MAML3: variants seen among roughly 807,000 people sequenced by gnomAD.
MAML3 encodes the protein mastermind-like protein 3.
Under a neutral mutation model 101.9 loss-of-function variants are expected in MAML3, and 27 were observed. That is an observed-to-expected ratio of 0.27 (90% CI 0.20 to 0.37). MAML3 has a LOEUF of 0.37. Ranked by LOEUF, MAML3 falls within the 10% of genes least tolerant of loss-of-function variation. The probability of loss-of-function intolerance (pLI) is 1.00; values close to 1 mark genes in which losing one functional copy is unlikely to be tolerated. For missense variants in MAML3, 1,316 were observed against 1,444.9 expected (o/e 0.91, Z 1.45); for synonymous variants, 501 against 555.9 (o/e 0.90, Z 1.39).
chr4:139,993,467 T>TCTTTC (rs1330691956), intron 1 of MAML3, among the ~76,000 whole-genome samples: 7 of 151,664 alleles, frequency 4.6e-5, no homozygotes, highest in African/African-American at 1.7e-4. Context: ...CCAGTATGGT[T>TCTTTC]CTTTTCTTTT....
intron 2 of MAML3, among the ~76,000 whole-genome samples, chr4:139,816,223 G>A (rs190081027): frequency 6.6e-6 from 1 of 152,212 alleles, no homozygotes; most frequent in African/African-American, 2.4e-5. Context: ...GGGGCTGAGC[G>A]GAGGGGATGC....
At chr4:139,986,159 T>G (rs1050494952) in intron 1 of MAML3, among the ~76,000 whole-genome samples, 10 of 152,032 alleles carry the variant, frequency 6.6e-5, no homozygotes, top group African/African-American at 9.7e-5. Flanking sequence ...TACAAACGGG[T>G]TTTTTCCGAG....
chr4:140,076,245 G>T (rs897225452), intron 1 of MAML3, among the ~76,000 whole-genome samples: 1 of 151,902 alleles, frequency 6.6e-6, no homozygotes, highest in Non-Finnish European at 1.5e-5. Context: ...CCCCAACCAA[G>T]GTCTGTGAAG....
intron 2 of MAML3, among the ~76,000 whole-genome samples, chr4:139,815,887 G>C (rs1486136137): frequency 6.6e-6 from 1 of 152,008 alleles, no homozygotes; most frequent in African/African-American, 2.4e-5. Flanking sequence ...GCAACAATAC[G>C]GACGACGATG....
chr4:139,865,859 A>G (rs1003763674), intron 2 of MAML3, among the ~76,000 whole-genome samples: 4 of 152,230 alleles, frequency 2.6e-5, no homozygotes, highest in Admixed American at 2.6e-4. Context: ...TCCCACCTCT[A>G]GACCATTCTT....
chr4:139,937,598 G>C (rs1733531629), intron 1 of MAML3, among the ~76,000 whole-genome samples: 1 of 152,074 alleles, frequency 6.6e-6, no homozygotes, highest in South Asian at 2.1e-4. Flanking sequence ...ATGTTGGCTA[G>C]GCTGGTCTTG....
At chr4:140,110,726 C>T (rs1728426704) in intron 1 of MAML3, among the ~76,000 whole-genome samples, 2 of 152,228 alleles carry the variant, frequency 1.3e-5, no homozygotes, top group African/African-American at 2.4e-5. Flanking sequence ...AGATAACCCT[C>T]CGGGTGCAGG....
chr4:139,922,982 C>T (rs1032034511), intron 1 of MAML3, among the ~76,000 whole-genome samples: 6 of 152,166 alleles, frequency 3.9e-5, no homozygotes, highest in Admixed American at 2.6e-4. Flanking sequence ...TGAAATCTCA[C>T]GGGATCCCCT....
At position 140,091,901 on chromosome 4, in the gene MAML3, C is replaced by T. The variant is rs533314186; in HGVS notation, c.468+60959G>A. Reference sequence around the variant, plus strand: ...CCCAGGATTCTCCTTACTAAGGATCCCCACTCTGAGCAGGTAAAACAGCAG... The same window carrying T: ...CCCAGGATTCTCCTTACTAAGGATCTCCACTCTGAGCAGGTAAAACAGCAG... On this transcript the variant is annotated intron_variant, in intron 1 of 4. Transcript: ENST00000509479. Among the ~76,000 whole-genome samples the T allele has an allele frequency of 3.9e-5, 6 of 151,992 alleles. No individual in the cohort carries two copies. The South Asian group carries it at 1.2e-3, about 32-fold the overall frequency.
At chr4:139,831,149 A>C (rs1410873737) in intron 2 of MAML3, among the ~76,000 whole-genome samples, 1 of 152,226 alleles carries the variant, frequency 6.6e-6, no homozygotes, top group Non-Finnish European at 1.5e-5. Flanking sequence ...CAATGAGGTC[A>C]TGGTGAGGAG....
chr4:140,049,598 A>G (rs1207589761), intron 1 of MAML3, among the ~76,000 whole-genome samples: 1 of 152,178 alleles, frequency 6.6e-6, no homozygotes, highest in African/African-American at 2.4e-5. Context: ...CAGGCAGGCT[A>G]TGGGGGAAGA....
chr4:140,041,362 C>T lies in MAML3; in HGVS notation c.468+111498G>A, dbSNP rs118077308. On this transcript the variant is annotated intron_variant, in intron 1 of 4. Coordinates refer to ENST00000509479, the MANE Select transcript of MAML3 (RefSeq NM_018717.5). ...AGAGAGGCAGGGCATGGTGGCTCAC[C>T]TCTGTAATACCAGCAGTTTGAGAGG... Among the ~76,000 whole-genome samples the T allele has an allele frequency of 2.3e-4, 35 of 152,184 alleles. No homozygotes were observed. In the East Asian group the frequency reaches 5.8e-3, roughly 25 times the overall value.
Position 140,153,444 on chromosome 4 carries a change from C to A in MAML3, c.-117G>T, listed in dbSNP as rs1375095376. On this transcript the variant is annotated 5_prime_UTR_variant, in exon 1 of 5. It removes an upstream start codon present in the reference 5' UTR. Coordinates refer to ENST00000509479, the MANE Select transcript of MAML3 (RefSeq NM_018717.5). ...GTGGAACGCGGGGGAGACGCAAGCA[C>A]ATGGATGGAAACGGCGATCCCGACG... The A allele has an allele frequency of 1.0e-5, 12 of 1,194,068 alleles. No homozygotes were observed. Among genetic ancestry groups the A allele is most frequent in the African/African-American group, 1.6e-5 (1 of 61,926 alleles). The allele number at this position is 1,194,068 out of a possible 1,614,324, so 74.0% of individuals were successfully genotyped here.
intron 2 of MAML3, among the ~76,000 whole-genome samples, chr4:139,859,344 A>G (rs1376692349): frequency 6.7e-6 from 1 of 150,038 alleles, no homozygotes; most frequent in East Asian, 2.0e-4. Context: ...CTCCTGCCGG[A>G]GTAGCATAGG....
rs147315923 is a variant in MAML3, at chr4:139,929,726, G to A, written c.469-38759C>T. Among the ~76,000 whole-genome samples the A allele has an allele frequency of 2.3e-4, 35 of 152,298 alleles. No homozygotes were observed. In the East Asian group the frequency reaches 6.4e-3, roughly 28 times the overall value. On this transcript the variant is annotated intron_variant, in intron 1 of 4. Transcript: ENST00000509479. ...CAGCTGCTGTCGTGCCACAGTCTCT[G>A]TTTATTATGTTCTTATTATCTTTCT... is the stretch of plus-strand genomic sequence containing the variant.
At chr4:139,865,534 TA>T (rs1231767157) in intron 2 of MAML3, among the ~76,000 whole-genome samples, 2 of 146,828 alleles carry the variant, frequency 1.4e-5, no homozygotes, top group Non-Finnish European at 3.0e-5. Context: ...AACACAATAA[TA>T]AATTAGGAGT....
At chr4:140,086,968 T>A (rs572579008) in intron 1 of MAML3, among the ~76,000 whole-genome samples, 1 of 152,270 alleles carries the variant, frequency 6.6e-6, no homozygotes, top group East Asian at 1.9e-4. Flanking sequence ...GAGACCGGCA[T>A]GGCCAACATG....
rs555151618 is a variant in MAML3 at position 139,755,914 on chromosome 4, T to TG, written c.2080-25248dup. 5.3e-5 allele frequency among the ~76,000 whole-genome samples: 8 copies of TG among 152,328 alleles called. No individual in the cohort carries two copies. The East Asian group carries it at 1.5e-3, about 29-fold the overall frequency. ...TAATGAACACTGTGGGGTCCAAAGT[T>TG]GGTTGAAAATAGTTTTTGCAAATTT... is the stretch of plus-strand genomic sequence containing the variant. On this transcript the variant is annotated intron_variant, in intron 2 of 4. Coordinates refer to ENST00000509479, the MANE Select transcript of MAML3 (RefSeq NM_018717.5).
chr4:140,045,496 T>A (rs1309447412), intron 1 of MAML3, among the ~76,000 whole-genome samples: 2 of 152,206 alleles, frequency 1.3e-5, no homozygotes, highest in African/African-American at 4.8e-5. Flanking sequence ...TGGGACTTTT[T>A]TTCAATCTAA....
Sources: allele counts gnomAD v4.1 joint callset (sites outside exome capture counted in the v4.1 genomes callset), GRCh38; gene constraint gnomAD v4.1.1; transcripts MANE v1.5; gene names NCBI Gene and HGNC (gene_info 2026-07-23, HGNC 2026-07-21).